The following PPIP5K2 variants were observed in gnomAD, a reference collection of about 807,000 sequenced individuals.
PPIP5K2 encodes inositol hexakisphosphate and diphosphoinositol-pentakisphosphate kinase 2.
Under a neutral mutation model 154.6 loss-of-function variants are expected in PPIP5K2, and 105 were observed. The observed-to-expected ratio is 0.68, with a 90% CI of 0.58 to 0.80. The LOEUF is 0.80. Ranked by LOEUF, PPIP5K2 falls within the 30% of genes least tolerant of loss-of-function variation. PPIP5K2 has a pLI of 0.00. For synonymous variants in PPIP5K2, 480 were observed against 490.3 expected, an observed-to-expected ratio of 0.98 and a Z score of 0.28; for missense variants, 992 against 1,504.6, an observed-to-expected ratio of 0.66 and a Z score of 5.64.
Position 103,158,219 on chromosome 5 carries a change from G to A in PPIP5K2, c.1521G>A (p.Leu507=), listed in dbSNP as rs1554214271. The A allele has an allele frequency of 1.2e-6, 2 of 1,613,680 alleles. No individual in the cohort carries two copies. Among genetic ancestry groups the A allele is most frequent in the Non-Finnish European group, 1.7e-6 (2 of 1,179,622 alleles). Residue 507 remains leucine, a synonymous_variant, in exon 15 of 31, where the codon TTG becomes TTA. Transcript: ENST00000358359. The stretch of plus-strand genomic sequence containing the variant: ...GAAGAGAAGAACCATCTTTACTTTT[G>A]GTTCTAAAATGGGGAGGTGAATTAA... ...DSRREEPSLL[L]VLKWGGELTP... is the part of the protein sequence containing the mutation.
intron 21 of PPIP5K2, among the ~76,000 whole-genome samples, chr5:103,177,389 G>T (rs2149724101): frequency 6.6e-6 from 1 of 152,016 alleles, no homozygotes; most frequent in East Asian, 1.9e-4. Flanking sequence ...TCATGTTAGT[G>T]CTCAAAAAGT....
intron 13 of PPIP5K2, among the ~76,000 whole-genome samples, chr5:103,155,490 A>T (rs1211006849): frequency 1.8e-5 from 2 of 113,882 alleles, no homozygotes; most frequent in Non-Finnish European, 3.3e-5. Context: ...CAGTGGTGTG[A>T]TCTCAGCTCA....
chr5:103,181,547 G>A (rs1321131933), intron 24 of PPIP5K2, among the ~76,000 whole-genome samples: 1 of 151,810 alleles, frequency 6.6e-6, no homozygotes, highest in African/African-American at 2.4e-5. Context: ...ACTGCAGCCT[G>A]GGCAACAGAG....
Position 103,129,736 on chromosome 5 carries a change from GA to G in PPIP5K2, c.114+34del, listed in dbSNP as rs1790305716. On this transcript the variant is annotated intron_variant, in intron 2 of 30. Transcript: ENST00000358359. ...GTTTGTTTTTCCTTTGGCGAGAGAA[GA>G]CCAATACAGTATAGGCTTTTTACTA... 8.3e-6 allele frequency: 13 copies of G among 1,569,612 alleles called. 1 individual carries two copies. The South Asian group carries it at 1.6e-4, about 19-fold the overall frequency.
At chr5:103,191,904 C>CT (rs1222981681) in intron 29 of PPIP5K2, among the ~76,000 whole-genome samples, 1 of 151,992 alleles carries the variant, frequency 6.6e-6, no homozygotes, top group African/African-American at 2.4e-5. Context: ...TGTATCATTC[C>CT]TCTTTTTCTG....
chr5:103,195,865 GT>G (rs1392567770), intron 30 of PPIP5K2, among the ~76,000 whole-genome samples: 1 of 152,082 alleles, frequency 6.6e-6, no homozygotes, highest in East Asian at 1.9e-4. Flanking sequence ...TTGGTTAAGA[GT>G]TTGTGCTTAA....
chr5:103,154,784 T>C, intron 12 of PPIP5K2, 39 bp downstream of exon 12: 1 of 1,553,286 alleles, frequency 6.4e-7, no homozygotes. Flanking sequence ...TTAAATTTTT[T>C]AGTGGTGAAA....
intron 11 of PPIP5K2, 118 bp downstream of exon 11, chr5:103,154,052 C>A: frequency 3.1e-6 from 2 of 654,922 alleles, no homozygotes; most frequent in Non-Finnish European, 4.9e-6. Context: ...GTCTCTTGGC[C>A]ATTTATATTT....
At chr5:103,190,369 G>A (rs1352531047) in intron 28 of PPIP5K2, among the ~76,000 whole-genome samples, 3 of 151,970 alleles carry the variant, frequency 2.0e-5, no homozygotes, top group Non-Finnish European at 4.4e-5. Flanking sequence ...GAGTATCATT[G>A]GTCTTGGCAC....
Position 103,154,668 on chromosome 5 carries a change from A to G in PPIP5K2, c.1218-2A>G. 1.3e-6 allele frequency: 2 copies of G among 1,493,002 alleles called. No homozygotes were observed. The highest frequency in any genetic ancestry group is 9.1e-7 in the Non-Finnish European group (1 of 1,093,616). The allele number at this position is 1,493,002 out of a possible 1,614,324, so 92.5% of individuals were successfully genotyped here. A position where few individuals can be genotyped will look rare whatever the true frequency, so the allele number is the denominator to read the frequency against. On this transcript the variant is annotated splice_acceptor_variant, in intron 11 of 30. Coordinates refer to ENST00000358359, the MANE Select transcript of PPIP5K2 (RefSeq NM_001276277.3). LOFTEE classifies it high-confidence loss of function. ...CTAACAGTGTTCTGTCTTTTTTATA[A>G]GATTTTTTGATCTTTTTGAAAAGTG...
intron 17 of PPIP5K2, among the ~76,000 whole-genome samples, chr5:103,159,928 C>T (rs1159380433): frequency 6.6e-6 from 1 of 152,132 alleles, no homozygotes; most frequent in African/African-American, 2.4e-5. Flanking sequence ...CTTCCCAACC[C>T]CTTCCTTTTC....
intron 17 of PPIP5K2, among the ~76,000 whole-genome samples, chr5:103,160,905 A>G (rs1554215438): frequency 6.6e-6 from 1 of 151,418 alleles, no homozygotes; most frequent in African/African-American, 2.4e-5. Context: ...CTTATTTACA[A>G]TGTTAGCAGG....
chr5:103,128,010 T>C (rs548468158), intron 1 of PPIP5K2, among the ~76,000 whole-genome samples: 18 of 152,266 alleles, frequency 1.2e-4, no homozygotes, highest in African/African-American at 3.9e-4. Context: ...AAGGCATTGA[T>C]TTATAAAGTA....
At chr5:103,167,435 T>C in intron 18 of PPIP5K2, 115 bp downstream of exon 18, 1 of 888,620 alleles carries the variant, frequency 1.1e-6, no homozygotes, top group East Asian at 2.8e-5. Context: ...GAGAGCTATG[T>C]ATAGTATGAG....
At chr5:103,168,033 T>A (rs1406673655) in intron 18 of PPIP5K2, 39 bp from the exon 19 acceptor site, 11 of 1,320,300 alleles carry the variant, frequency 8.3e-6, no homozygotes, top group Non-Finnish European at 1.2e-5. Flanking sequence ...TAAATCAGAT[T>A]TTTAAGTTGC....
intron 21 of PPIP5K2, among the ~76,000 whole-genome samples, chr5:103,177,289 T>C (rs2149723402): frequency 1.3e-5 from 2 of 152,142 alleles, no homozygotes; most frequent in South Asian, 4.1e-4. Context: ...GGAATTGTTT[T>C]TGTATTTTGG....
intron 2 of PPIP5K2, 35 bp from the exon 3 acceptor site, chr5:103,133,418 A>G (rs371558566): frequency 4.1e-5 from 65 of 1,588,100 alleles, no homozygotes; most frequent in Non-Finnish European, 5.1e-5. Flanking sequence ...GTTCATGTAA[A>G]GTTAACCCGA....
At chr5:103,138,354 A>G in intron 4 of PPIP5K2, 30 bp from the exon 5 acceptor site, 1 of 1,324,098 alleles carries the variant, frequency 7.6e-7, no homozygotes, top group South Asian at 1.3e-5. Flanking sequence ...GGAGCAATAA[A>G]ACAATAAGGA....
chr5:103,124,817 A>T lies in PPIP5K2; in HGVS notation c.-285+4329A>T, dbSNP rs1049964988. Among the ~76,000 whole-genome samples the T allele has an allele frequency of 2.6e-5, 4 of 152,292 alleles. No homozygotes were observed. The East Asian group carries it at 7.7e-4, about 29-fold the overall frequency. The stretch of plus-strand genomic sequence containing the variant: ...TAATTTCTTGGCATACTTACAATTC[A>T]TTTATGGTGAGACAACATGTTGGGA... On this transcript the variant is annotated intron_variant, in intron 1 of 30. Coordinates refer to ENST00000358359, the MANE Select transcript of PPIP5K2 (RefSeq NM_001276277.3).
Sources: gnomAD v4.1 joint callset for allele counts (sites outside exome capture counted in the v4.1 genomes callset) on GRCh38, gnomAD v4.1.1 for gene constraint, MANE v1.5 for transcripts, NCBI Gene and HGNC (gene_info 2026-07-23, HGNC 2026-07-21) for gene names.